The following TRPM3 variants were observed in gnomAD, a reference collection of about 807,000 sequenced individuals.
TRPM3 encodes long transient receptor potential channel 3.
Under a neutral mutation model 181.2 loss-of-function variants are expected in TRPM3, and 77 were observed. That is an observed-to-expected ratio of 0.42 (90% CI 0.35 to 0.51). TRPM3 has a LOEUF of 0.51. TRPM3 is among the 20% of genes least tolerant of loss of function. The pLI is 0.01. For synonymous variants in TRPM3, 745 were observed against 796.4 expected (o/e 0.94, Z 1.09); for missense variants, 1,759 against 2,196.7 (o/e 0.80, Z 3.98).
chr9:71,215,963 G>T (rs1489754189), intron 1 of TRPM3, among the ~76,000 whole-genome samples: 1 of 152,170 alleles, frequency 6.6e-6, no homozygotes, highest in Non-Finnish European at 1.5e-5. Context: ...AGAAGCACAT[G>T]GCATAGCTAA....
intron 1 of TRPM3, among the ~76,000 whole-genome samples, chr9:71,186,702 G>A (rs946405954): frequency 1.3e-5 from 2 of 152,052 alleles, no homozygotes; most frequent in African/African-American, 4.8e-5. Context: ...ACAATGTATA[G>A]AAAGTATTAG....
At chr9:71,381,031 G>A (rs2092787983) in intron 1 of TRPM3, among the ~76,000 whole-genome samples, 1 of 152,078 alleles carries the variant, frequency 6.6e-6, no homozygotes, top group Non-Finnish European at 1.5e-5. Context: ...AAGCAAGTGT[G>A]AGATTGGTGT....
At chr9:71,381,730 A>G (rs1005924634) in intron 1 of TRPM3, among the ~76,000 whole-genome samples, 1 of 152,126 alleles carries the variant, frequency 6.6e-6, no homozygotes, top group Non-Finnish European at 1.5e-5. Flanking sequence ...GAATGGGAGT[A>G]TGTCTATCTC....
intron 1 of TRPM3, among the ~76,000 whole-genome samples, chr9:71,190,984 A>G (rs1418446063): frequency 1.3e-5 from 2 of 151,894 alleles, no homozygotes; most frequent in Admixed American, 1.3e-4. Context: ...TTTTCTGAGC[A>G]TTTACTATAT....
chr9:70,748,979 G>A (rs2075662830), intron 8 of TRPM3, among the ~76,000 whole-genome samples: 1 of 152,034 alleles, frequency 6.6e-6, no homozygotes, highest in South Asian at 2.1e-4. Flanking sequence ...CAAACTCCCA[G>A]GCTTAAGAGA....
chr9:71,116,803 G>A (rs546222678), intron 1 of TRPM3, among the ~76,000 whole-genome samples: 2 of 151,932 alleles, frequency 1.3e-5, no homozygotes, highest in Non-Finnish European at 2.9e-5. Flanking sequence ...CAGAAGGCAG[G>A]GTATATAACA....
At chr9:71,031,134 A>C (rs1351796703) in intron 1 of TRPM3, among the ~76,000 whole-genome samples, 1 of 152,190 alleles carries the variant, frequency 6.6e-6, no homozygotes, top group Admixed American at 6.5e-5. Flanking sequence ...TAATATTATA[A>C]TTCTCACTTT....
At chr9:70,575,719 C>T (rs1158647149) in intron 22 of TRPM3, among the ~76,000 whole-genome samples, 1 of 152,154 alleles carries the variant, frequency 6.6e-6, no homozygotes, top group East Asian at 1.9e-4. Context: ...TAAGAATATA[C>T]CAAAGAACAG....
At chr9:71,407,965 G>C (rs893007468) in intron 1 of TRPM3, among the ~76,000 whole-genome samples, 3 of 152,200 alleles carry the variant, frequency 2.0e-5, no homozygotes, top group African/African-American at 7.2e-5. Context: ...AATAGGGCCC[G>C]GAGTGGACCT....
chr9:70,780,748 T>G (rs1342344476), intron 7 of TRPM3, among the ~76,000 whole-genome samples: 1 of 152,192 alleles, frequency 6.6e-6, no homozygotes, highest in Non-Finnish European at 1.5e-5. Context: ...AAGAGCACAC[T>G]TTTATCATAA....
intron 1 of TRPM3, among the ~76,000 whole-genome samples, chr9:71,069,225 C>A (rs1035263509): frequency 1.3e-5 from 2 of 152,228 alleles, no homozygotes; most frequent in Non-Finnish European, 2.9e-5. Flanking sequence ...ACTGTGTCGA[C>A]AGGCTGGAGT....
chr9:70,907,516 T>G (rs764554558), intron 1 of TRPM3, among the ~76,000 whole-genome samples: 1 of 152,208 alleles, frequency 6.6e-6, no homozygotes, highest in African/African-American at 2.4e-5. Context: ...TGCAACAGCA[T>G]AGATGCAGCT....
At chr9:70,677,342 G>A (rs1408984758) in intron 9 of TRPM3, among the ~76,000 whole-genome samples, 1 of 152,256 alleles carries the variant, frequency 6.6e-6, no homozygotes, top group African/African-American at 2.4e-5. Context: ...GTCCTGAGCT[G>A]CTAATCTAAG....
chr9:71,146,239 T>C (rs562117368), intron 1 of TRPM3, among the ~76,000 whole-genome samples: 1 of 152,300 alleles, frequency 6.6e-6, no homozygotes, highest in South Asian at 2.1e-4. Context: ...TTGCAAGCCA[T>C]AGGTAAGAAT....
At chr9:71,329,676 A>T (rs2089973203) in intron 1 of TRPM3, among the ~76,000 whole-genome samples, 1 of 152,220 alleles carries the variant, frequency 6.6e-6, no homozygotes, top group African/African-American at 2.4e-5. Flanking sequence ...TCTTGCATCA[A>T]GCTATTTATT....
rs2078308996 is a variant in TRPM3 at position 71,195,704 on chromosome 9, AC to A, written c.183+250948del. 1.1e-4 allele frequency among the ~76,000 whole-genome samples: 16 copies of A among 152,278 alleles called. 1 individual carries two copies. In the South Asian group the frequency reaches 3.1e-3, roughly 30 times the overall value. On this transcript the variant is annotated intron_variant, in intron 1 of 24. Transcript: ENST00000357533. ...TCACAATAGCAAAGATATAGTATCA[AC>A]CTAAACGCCCATCAGTGGAAGACTG...
At chr9:70,804,364 C>A (rs1485789826) in intron 6 of TRPM3, among the ~76,000 whole-genome samples, 1 of 152,072 alleles carries the variant, frequency 6.6e-6, no homozygotes, top group Admixed American at 6.6e-5. Flanking sequence ...ACCCAAAAAA[C>A]TACTGTTCTT....
At chr9:71,056,494 T>C (rs1384996350) in intron 1 of TRPM3, among the ~76,000 whole-genome samples, 2 of 152,044 alleles carry the variant, frequency 1.3e-5, no homozygotes, top group African/African-American at 4.8e-5. Context: ...AATAGGCATG[T>C]GTTGTGGGCT....
chr9:71,283,432 G>A (rs2085013511), intron 1 of TRPM3, among the ~76,000 whole-genome samples: 2 of 152,168 alleles, frequency 1.3e-5, no homozygotes, highest in South Asian at 4.1e-4. Context: ...GAGTAGCTGG[G>A]ACTACAGGCA....
Sources: allele counts gnomAD v4.1 joint callset (sites outside exome capture counted in the v4.1 genomes callset), GRCh38; gene constraint gnomAD v4.1.1; transcripts MANE v1.5; gene names NCBI Gene and HGNC (gene_info 2026-07-23, HGNC 2026-07-21).